KIF26B: variants seen among roughly 807,000 people sequenced by gnomAD.
KIF26B encodes the protein kinesin family member 26B.
In KIF26B, 63 loss-of-function variants were observed where a neutral mutation model predicts 151.2. That is an observed-to-expected ratio of 0.42 (90% confidence interval 0.34 to 0.51). KIF26B has a LOEUF of 0.51. KIF26B is among the 20% of genes least tolerant of loss of function. KIF26B has a pLI of 0.07. For synonymous variants in KIF26B, 1,357 were observed against 1,262.1 expected (o/e 1.08, Z -1.59); for missense variants, 2,813 against 2,913.6 (o/e 0.97, Z 0.79).
chr1:245,457,174 C>A lies in KIF26B; in HGVS notation c.1166+37429C>A, dbSNP rs558211277. ...AGCCACTGCACCCAGCCCATAAATG[C>A]TTTTTTAATGAGAGAATGACCTATT... On this transcript the variant is annotated intron_variant, in intron 4 of 14. Coordinates refer to ENST00000407071, the MANE Select transcript of KIF26B (RefSeq NM_018012.4). Among the ~76,000 whole-genome samples, 88 of 152,212 alleles carry A rather than the reference C, an allele frequency of 5.8e-4. 1 individual carries two copies. In the East Asian group the frequency reaches 7.5e-3, roughly 13 times the overall value.
rs1043657272 is a variant in KIF26B, at chr1:245,217,980, G to A, written c.465+61297G>A. On this transcript the variant is annotated intron_variant, in intron 2 of 14. Coordinates refer to ENST00000407071, the MANE Select transcript of KIF26B (RefSeq NM_018012.4). ...ATGAGCTGCCTGAGATTCATCAACT[G>A]CTGGTGGAACTGGGCTTAGTCCTGC... Among the ~76,000 whole-genome samples the A allele has an allele frequency of 2.6e-5, 4 of 152,172 alleles. No homozygotes were observed. In the South Asian group the frequency reaches 8.3e-4, roughly 32 times the overall value.
chr1:245,181,360 C>T (rs548844837), intron 2 of KIF26B, among the ~76,000 whole-genome samples: 13 of 152,140 alleles, frequency 8.5e-5, no homozygotes, highest in Admixed American at 2.0e-4. Flanking sequence ...ATTGGGTCTG[C>T]GTCTTTTCAT....
At chr1:245,502,847 A>G (rs1280969626) in intron 4 of KIF26B, among the ~76,000 whole-genome samples, 2 of 151,816 alleles carry the variant, frequency 1.3e-5, no homozygotes, top group African/African-American at 4.8e-5. Context: ...ATTGGAAAAG[A>G]AGCTTATGGT....
intron 3 of KIF26B, among the ~76,000 whole-genome samples, chr1:245,417,997 C>T (rs1427577383): frequency 2.0e-5 from 3 of 152,042 alleles, no homozygotes; most frequent in Non-Finnish European, 2.9e-5. Context: ...AAAAAGTTGT[C>T]GCATGAATTT....
At chr1:245,281,775 T>C (rs1671058512) in intron 2 of KIF26B, among the ~76,000 whole-genome samples, 1 of 152,130 alleles carries the variant, frequency 6.6e-6, no homozygotes, top group Admixed American at 6.6e-5. Context: ...CTTGAATTGA[T>C]TTTTTATAAG....
At chr1:245,335,137 G>C (rs939293893) in intron 2 of KIF26B, among the ~76,000 whole-genome samples, 13 of 152,130 alleles carry the variant, frequency 8.5e-5, no homozygotes, top group African/African-American at 3.1e-4. Flanking sequence ...CAGACTGTCT[G>C]TCTGCTCTCT....
intron 9 of KIF26B, among the ~76,000 whole-genome samples, chr1:245,613,456 AGCTGGGCGTGGTG>A (rs1020851459): frequency 6.6e-6 from 1 of 152,110 alleles, no homozygotes; most frequent in African/African-American, 2.4e-5. Flanking sequence ...TAAAAAAATT[AGCTGGGCGTGGTG>A]GCACACACCT....
At chr1:245,454,961 G>A (rs1351144910) in intron 4 of KIF26B, among the ~76,000 whole-genome samples, 2 of 152,172 alleles carry the variant, frequency 1.3e-5, no homozygotes, top group African/African-American at 4.8e-5. Flanking sequence ...AAATGTTTGA[G>A]CTCAAGGAGA....
intron 2 of KIF26B, among the ~76,000 whole-genome samples, chr1:245,229,223 C>T (rs967291801): frequency 2.3e-4 from 35 of 152,102 alleles, no homozygotes; most frequent in African/African-American, 7.7e-4. Flanking sequence ...CCACCCACTT[C>T]GGTCTCCCAA....
At chr1:245,455,381 A>G (rs1003987424) in intron 4 of KIF26B, among the ~76,000 whole-genome samples, 15 of 151,938 alleles carry the variant, frequency 9.9e-5, no homozygotes, top group South Asian at 2.1e-4. Flanking sequence ...ACACGTGCCT[A>G]TAGTCCCAGC....
intron 2 of KIF26B, among the ~76,000 whole-genome samples, chr1:245,200,547 C>T (rs1164397884): frequency 6.6e-6 from 1 of 152,166 alleles, no homozygotes; most frequent in Non-Finnish European, 1.5e-5. Context: ...ATTTCTCCAG[C>T]CTCCCAATTC....
At chr1:245,680,326 C>G (rs767219589) in intron 10 of KIF26B, among the ~76,000 whole-genome samples, 3 of 152,188 alleles carry the variant, frequency 2.0e-5, no homozygotes, top group Non-Finnish European at 4.4e-5. Context: ...ACATGAAGGG[C>G]TCACCAGCAG....
At chr1:245,361,047 A>G (rs1672807143) in intron 2 of KIF26B, among the ~76,000 whole-genome samples, 1 of 152,180 alleles carries the variant, frequency 6.6e-6, no homozygotes, top group South Asian at 2.1e-4. Context: ...GAAATGCCTC[A>G]CCCATTCTTT....
chr1:245,252,291 AAAG>A (rs1295608934), intron 2 of KIF26B, among the ~76,000 whole-genome samples: 1,606 of 151,438 alleles, frequency 0.011, 31 homozygotes, highest in African/African-American at 0.035. Flanking sequence ...AAAAAAAAAA[AAAG>A]AAAAAAGAAA....
At position 245,703,651 on chromosome 1, in the gene KIF26B, A is replaced by G. The variant is rs1181067328; in HGVS notation, c.*1045A>G. The G allele has an allele frequency of 6.6e-6, 1 of 152,156 alleles. No individual in the cohort carries two copies. The highest frequency in any genetic ancestry group is 1.5e-5 in the Non-Finnish European group (1 of 68,022). The allele number at this position is 152,156 out of a possible 1,614,324, so 9.4% of individuals were successfully genotyped here. A position where few individuals can be genotyped will look rare whatever the true frequency, so the allele number is the denominator to read the frequency against. Reference sequence around the variant, plus strand: ...AAGCTGGAACCAATTCACCAGAGCCATATTTCTTTCTTTAGTATTTTCTAG... The same window carrying G: ...AAGCTGGAACCAATTCACCAGAGCCGTATTTCTTTCTTTAGTATTTTCTAG... On this transcript the variant is annotated 3_prime_UTR_variant, in exon 15 of 15. Transcript: ENST00000407071.
In KIF26B at chr1:245,704,196, G is replaced by A. The variant is rs768924922; in HGVS notation, c.*1590G>A. ...TGGTACTTAGGCGTGTGCAGAGCACGCTTCCCTTTTGCCCTCAAATGCAGC... is the reference window on the plus strand; with the variant it reads ...TGGTACTTAGGCGTGTGCAGAGCACACTTCCCTTTTGCCCTCAAATGCAGC... On this transcript the variant is annotated 3_prime_UTR_variant, in exon 15 of 15. Transcript: ENST00000407071. 4 of 152,232 alleles carry A rather than the reference G, an allele frequency of 2.6e-5. No individual in the cohort carries two copies. The highest frequency in any genetic ancestry group is 2.6e-4 in the Admixed American group (4 of 15,286). 9.4% of individuals were successfully genotyped at this position (152,232 alleles called of 1,614,324 possible). A position where few individuals can be genotyped will look rare whatever the true frequency, so the allele number is the denominator to read the frequency against.
intron 4 of KIF26B, among the ~76,000 whole-genome samples, chr1:245,464,364 CGTGTGTGGGTGTGTGTAGGTGTGT>C (rs748354144): frequency 2.2e-4 from 34 of 151,158 alleles, no homozygotes; most frequent in African/African-American, 6.1e-4. Flanking sequence ...TGGGTGTGTG[CGTGTGTGGGTGTGTGTAGGTGTGT>C]GTGTGTGGGT....
chr1:245,614,670 G>A (rs1050913967), intron 9 of KIF26B: 1 of 152,266 alleles, frequency 6.6e-6, no homozygotes, highest in African/African-American at 2.4e-5. Flanking sequence ...CGGGCGAGGC[G>A]CCCCAGGGAA....
At chr1:245,573,601 T>C (rs879480585) in intron 5 of KIF26B, among the ~76,000 whole-genome samples, 7 of 152,154 alleles carry the variant, frequency 4.6e-5, no homozygotes, top group Admixed American at 6.5e-5. Context: ...GATCATCTTA[T>C]TGCTTATTTT....
Sources: allele counts gnomAD v4.1 joint callset (sites outside exome capture counted in the v4.1 genomes callset), GRCh38; gene constraint gnomAD v4.1.1; transcripts MANE v1.5; gene names NCBI Gene and HGNC (gene_info 2026-07-23, HGNC 2026-07-21).